FRMPD4: variants seen among roughly 807,000 people sequenced by gnomAD.
FRMPD4 encodes FERM and PDZ domain-containing protein 4.
In FRMPD4, 22 loss-of-function variants were observed where a neutral mutation model predicts 94.1. The observed-to-expected ratio is 0.23, with a 90% confidence interval of 0.17 to 0.33. The LOEUF is 0.33. Ranked by LOEUF, FRMPD4 falls within the 10% of genes least tolerant of loss-of-function variation. The pLI is 1.00. For synonymous variants in FRMPD4, 631 were observed against 548.6 expected (o/e 1.15, Z -2.10); for missense variants, 1,111 against 1,339.9 (o/e 0.83, Z 2.67).
intron 1 of FRMPD4, among the ~76,000 whole-genome samples, chrX:12,377,886 G>A (rs1166204391): frequency 1.8e-5 from 2 of 112,573 alleles, no homozygotes; most frequent in African/African-American, 3.2e-5. Flanking sequence ...GTTCTCAGGA[G>A]CCGACGAGCA....
At chrX:11,966,450 A>G (rs2147377048) in intron 3 of FRMPD4, among the ~76,000 whole-genome samples, 1 of 111,504 alleles carries the variant, frequency 9.0e-6, no homozygotes. Flanking sequence ...TAGCTGCCAA[A>G]ACTGTAAGCA....
chrX:12,241,564 G>A (rs775012393), intron 1 of FRMPD4, among the ~76,000 whole-genome samples: 1 of 111,411 alleles, frequency 9.0e-6, no homozygotes, highest in Admixed American at 9.6e-5. Flanking sequence ...GACATCTTGG[G>A]GTAGACTTGG....
intron 3 of FRMPD4, among the ~76,000 whole-genome samples, chrX:12,125,513 T>G: frequency 9.3e-6 from 1 of 107,179 alleles, no homozygotes; most frequent in Middle Eastern, 4.7e-3. Context: ...TTTCCTCTCC[T>G]TGGCCTCTTT....
rs760927663 is a variant in FRMPD4, at chrX:12,176,589, A to G, written c.41+37577A>G. On this transcript the variant is annotated intron_variant, in intron 1 of 16. Transcript: ENST00000675598. ...TTTTAGATCATAAAATATGTTTGCA[A>G]TAATTTTCTCTCACTATACAAGTTT... Among the ~76,000 whole-genome samples the G allele has an allele frequency of 5.3e-5, 6 of 112,644 alleles. No individual in the cohort carries two copies. The South Asian group carries it at 1.8e-3, about 34-fold the overall frequency.
intron 3 of FRMPD4, among the ~76,000 whole-genome samples, chrX:11,934,684 C>T (rs1320387802): frequency 9.0e-6 from 1 of 111,654 alleles, no homozygotes; most frequent in African/African-American, 3.3e-5. Context: ...ACATGTGTTC[C>T]TTTGAGATTA....
chrX:11,916,042 G>A (rs371925237), intron 3 of FRMPD4, among the ~76,000 whole-genome samples: 27 of 111,778 alleles, frequency 2.4e-4, no homozygotes, highest in African/African-American at 8.8e-4. Flanking sequence ...CAGAGAGACT[G>A]AGGAAGCTTC....
At chrX:12,253,923 T>C (rs1325127991) in intron 1 of FRMPD4, among the ~76,000 whole-genome samples, 2 of 111,349 alleles carry the variant, frequency 1.8e-5, no homozygotes, top group Non-Finnish European at 3.8e-5. Context: ...TTGGGTTTTT[T>C]TTTTCCTTTT....
intron 3 of FRMPD4, among the ~76,000 whole-genome samples, chrX:11,965,030 T>C (rs752189390): frequency 1.3e-4 from 15 of 112,807 alleles, no homozygotes; most frequent in Non-Finnish European, 2.2e-4. Flanking sequence ...TCTAGTTTTA[T>C]GGATTGTTGT....
intron 3 of FRMPD4, among the ~76,000 whole-genome samples, chrX:11,933,896 C>T (rs1225270711): frequency 1.8e-5 from 2 of 111,840 alleles, no homozygotes; most frequent in Non-Finnish European, 3.8e-5. Flanking sequence ...TTATGTTTGC[C>T]TCTGTGCTAA....
intron 3 of FRMPD4, among the ~76,000 whole-genome samples, chrX:12,109,723 A>G (rs1255142796): frequency 8.9e-6 from 1 of 112,117 alleles, no homozygotes; most frequent in Non-Finnish European, 1.9e-5. Context: ...CGCAATAAAA[A>G]ATGATAAAGG....
At chrX:12,465,865 A>C (rs979520399) in intron 1 of FRMPD4, among the ~76,000 whole-genome samples, 1 of 112,157 alleles carries the variant, frequency 8.9e-6, no homozygotes. Context: ...GTAATCTGCC[A>C]CATCTATTTG....
At chrX:12,133,501 T>G (rs1263797838), upstream of FRMPD4, among the ~76,000 whole-genome samples, 1 of 111,507 alleles carries the variant, frequency 9.0e-6, no homozygotes, top group East Asian at 2.8e-4. Context: ...CAGAGCTCAA[T>G]GCAGCCTCAA....
chrX:11,990,859 G>A (rs773692399), intron 3 of FRMPD4, among the ~76,000 whole-genome samples: 39 of 111,742 alleles, frequency 3.5e-4, no homozygotes, highest in African/African-American at 1.1e-3. Context: ...TGACTGGACC[G>A]CATGCTAATG....
chrX:12,190,694 TAA>T (rs35306041), intron 1 of FRMPD4, among the ~76,000 whole-genome samples: 7 of 86,970 alleles, frequency 8.0e-5, no homozygotes, highest in Admixed American at 1.3e-4. Flanking sequence ...ACATCCACAT[TAA>T]AAAAAAAAAA....
intron 1 of FRMPD4, among the ~76,000 whole-genome samples, chrX:12,238,546 C>T (rs745969707): frequency 7.1e-5 from 8 of 112,017 alleles, no homozygotes; most frequent in South Asian, 3.7e-4. Context: ...TTTCTTTAAA[C>T]GTTGTGTCAG....
intron 3 of FRMPD4, among the ~76,000 whole-genome samples, chrX:11,923,485 G>A (rs920650168): frequency 8.9e-6 from 1 of 111,737 alleles, no homozygotes; most frequent in Non-Finnish European, 1.9e-5. Context: ...CATTGCCTCT[G>A]ACACTGTGGT....
intron 1 of FRMPD4, among the ~76,000 whole-genome samples, chrX:12,242,455 T>C (rs930952967): frequency 2.7e-5 from 3 of 112,343 alleles, no homozygotes; most frequent in Non-Finnish European, 5.6e-5. Flanking sequence ...CTCTAAACAG[T>C]TTCCCCCAAA....
chrX:12,384,203 T>G (rs2056365790), intron 1 of FRMPD4, among the ~76,000 whole-genome samples: 1 of 111,918 alleles, frequency 8.9e-6, no homozygotes, highest in African/African-American at 3.3e-5. Context: ...ACTAATATGC[T>G]AGGCATTACC....
intron 1 of FRMPD4, among the ~76,000 whole-genome samples, chrX:12,216,904 T>C (rs1345874063): frequency 8.9e-6 from 1 of 111,970 alleles, no homozygotes; most frequent in Non-Finnish European, 1.9e-5. Context: ...CCTTAAAATC[T>C]GCAAGTGGCT....
Sources: allele counts gnomAD v4.1 joint callset (sites outside exome capture counted in the v4.1 genomes callset), GRCh38; gene constraint gnomAD v4.1.1; transcripts MANE v1.5; gene names NCBI Gene and HGNC (gene_info 2026-07-23, HGNC 2026-07-21).